PLCH2: variants seen among roughly 807,000 people sequenced by gnomAD.
PLCH2 encodes 1-phosphatidylinositol 4,5-bisphosphate phosphodiesterase eta-2.
In PLCH2, 98 loss-of-function variants were observed where a neutral mutation model predicts 134.7. The observed-to-expected ratio is 0.73, with a 90% confidence interval of 0.62 to 0.86. PLCH2 has a LOEUF of 0.86. Among genes scored for constraint, PLCH2 ranks in the 40% least tolerant of loss-of-function variants. PLCH2 has a pLI of 0.00. For synonymous variants in PLCH2, 974 were observed against 827.5 expected (o/e 1.18, Z -3.04); for missense variants, 1,994 against 1,986.6 (o/e 1.00, Z -0.07).
chr1:2,491,383 CAGCCAGCCTGTG>C (rs775374157), intron 11 of PLCH2, 48 bp downstream of exon 11: 1 of 1,589,092 alleles, frequency 6.3e-7, no homozygotes, highest in South Asian at 1.1e-5. Context: ...GCCCCCCCGA[CAGCCAGCCTGTG>C]GGCCAGCCAG....
intron 2 of PLCH2, among the ~76,000 whole-genome samples, chr1:2,441,905 C>T (rs912536459): frequency 1.3e-5 from 2 of 152,264 alleles, no homozygotes; most frequent in African/African-American, 4.8e-5. Context: ...ATGACAGAGG[C>T]TTCACTGCAG....
chr1:2,505,030 C>T lies in PLCH2; in HGVS notation c.4068C>T (p.Ala1356=). Reference sequence around the variant, plus strand: ...CCATTGCCAGCCGGGCCCGCCAGGCCCAGGAGCGGCAGCAGAGACTGCAGG... The same window carrying T: ...CCATTGCCAGCCGGGCCCGCCAGGCTCAGGAGCGGCAGCAGAGACTGCAGG... ...VRAIASRARQ[A]QERQQRLQGL... is the part of the protein sequence containing the mutation. Residue 1356 remains alanine, a synonymous_variant, in exon 22 of 22, where the codon GCC becomes GCT. Transcript: ENST00000378486. 1.3e-6 allele frequency: 2 copies of T among 1,544,102 alleles called. No homozygotes were observed. Among genetic ancestry groups the T allele is most frequent in the South Asian group, 2.4e-5 (2 of 84,672 alleles).
upstream of PLCH2, among the ~76,000 whole-genome samples, chr1:2,421,147 G>T (rs930099387): frequency 1.3e-5 from 2 of 152,102 alleles, no homozygotes; most frequent in Non-Finnish European, 2.9e-5. Context: ...ATTTCACCAC[G>T]TTGGCCAGGC....
chr1:2,461,226 AG>A (rs1640787560), intron 2 of PLCH2, among the ~76,000 whole-genome samples: 3 of 152,258 alleles, frequency 2.0e-5, no homozygotes, highest in South Asian at 2.1e-4. Flanking sequence ...AGGCTGTTGC[AG>A]GGGGGTAGGG....
intron 2 of PLCH2, among the ~76,000 whole-genome samples, chr1:2,441,563 A>T (rs1381608574): frequency 6.6e-6 from 1 of 152,146 alleles, no homozygotes; most frequent in East Asian, 1.9e-4. Context: ...ATCCCAGACC[A>T]GCTGATGCTG....
intron 2 of PLCH2, 28 bp from the exon 3 acceptor site, chr1:2,479,701 GGACCT>G: frequency 6.6e-7 from 1 of 1,516,198 alleles, no homozygotes; most frequent in Non-Finnish European, 8.9e-7. Context: ...GGGCCCCCGG[GGACCT>G]GACCCGTGCT....
rs1642993835 is a variant in PLCH2 at position 2,498,053 on chromosome 1, GC to G, written c.2224+447del. ...TGACTTCCAGCTTGGTCCCCCTGTG[GC>G]CCTGGCAGGAGTATCACCATGGGAG... On this transcript the variant is annotated intron_variant, in intron 16 of 21. Transcript: ENST00000378486. This position sits in a 1 kb window ranked among gnomAD's most constrained non-coding sequence, Gnocchi z 5.4. The G allele has an allele frequency of 4.4e-6, 1 of 227,830 alleles. No homozygotes were observed. The highest frequency in any genetic ancestry group is 5.1e-5 in the Admixed American group (1 of 19,576). The allele number at this position is 227,830 out of a possible 1,614,324, so 14.1% of individuals were successfully genotyped here.
Position 2,504,351 on chromosome 1 carries a change from T to C in PLCH2, c.3389T>C (p.Leu1130Pro), listed in dbSNP as rs754648943. 43 of 1,611,078 alleles carry C rather than the reference T, an allele frequency of 2.7e-5. No homozygotes were observed. The highest frequency in any genetic ancestry group is 1.4e-4 in the South Asian group (13 of 91,082). Residue 1130 changes from leucine (L) to proline (P), a missense_variant, in exon 22 of 22, where the codon CTG becomes CCG. Around this residue, in one of 2 missense-constraint regions of PLCH2, gnomAD observed 900 missense variants for 752.3 expected, o/e 1.20. Transcript: ENST00000378486. ...TCCGATGCCACGGGCAGTGACCCGC[T>C]GTGGCAGCGGCTGGAGCCATGTGGC... ...VYSDATGSDP[L>P]WQRLEPCGHR...
rs1037602945 is a variant in PLCH2 at position 2,502,388 on chromosome 1, C to A, written c.2938C>A (p.Pro980Thr). The change falls in exon 21 of 22, where the codon CCC (proline) becomes ACC (threonine). Residue 980 changes from proline (P) to threonine (T), a missense_variant. Transcript: ENST00000378486. ...TCCGGAAGCCCCAGCCCAGGAGGGGCCCGGCAGCGGCAGCCCCCGAGGTAA... is the reference window on the plus strand; with the variant it reads ...TCCGGAAGCCCCAGCCCAGGAGGGGACCGGCAGCGGCAGCCCCCGAGGTAA... ...PAPEAPAQEGPGSGSPRDTRP... is the reference protein window; with the variant it reads ...PAPEAPAQEGTGSGSPRDTRP... The A allele has an allele frequency of 3.9e-6, 6 of 1,543,258 alleles. No homozygotes were observed. Among genetic ancestry groups the A allele is most frequent in the Admixed American group, 2.0e-5 (1 of 50,798 alleles).
upstream of PLCH2, among the ~76,000 whole-genome samples, chr1:2,474,252 C>G (rs565745515): frequency 3.9e-5 from 6 of 152,304 alleles, 1 homozygote; most frequent in South Asian, 8.3e-4. Flanking sequence ...GCCTGGGCCC[C>G]TGCCACGTCT....
chr1:2,453,605 C>A (rs368903298), intron 2 of PLCH2, among the ~76,000 whole-genome samples: 1 of 152,196 alleles, frequency 6.6e-6, no homozygotes, highest in African/African-American at 2.4e-5. Flanking sequence ...AGGGCCACCC[C>A]CCTCTGGCAG....
chr1:2,478,101 G>C (rs541230171), intron 1 of PLCH2, among the ~76,000 whole-genome samples: 3 of 152,234 alleles, frequency 2.0e-5, no homozygotes, highest in Non-Finnish European at 4.4e-5. Context: ...GTAGCTCTCG[G>C]GGCCCCAGGC....
chr1:2,477,548 G>T (rs367959279), intron 1 of PLCH2, among the ~76,000 whole-genome samples: 7 of 152,306 alleles, frequency 4.6e-5, no homozygotes, highest in African/African-American at 1.7e-4. Flanking sequence ...CGGGCTTTCT[G>T]TGAGCAGGTG....
At chr1:2,476,137 T>A (rs1224984305), upstream of PLCH2, among the ~76,000 whole-genome samples, 2 of 152,210 alleles carry the variant, frequency 1.3e-5, no homozygotes, top group Non-Finnish European at 2.9e-5. Context: ...AGCCCTGACC[T>A]GGGTCTGGTG....
rs532478379 is a variant in PLCH2 at position 2,428,263 on chromosome 1, C to A, written c.-177-2075C>A. Among the ~76,000 whole-genome samples, 3 of 152,198 alleles carry A rather than the reference C, an allele frequency of 2.0e-5. No homozygotes were observed. In the South Asian group the frequency reaches 6.2e-4, roughly 31 times the overall value. On this transcript the variant is annotated intron_variant, in intron 1 of 3. Transcript: ENST00000609981. The stretch of plus-strand genomic sequence containing the variant: ...GGCCAGGGTCTGGGCTCCTGGGGAT[C>A]GGCCAGCACTCCATGGCCAGGGCGG...
At position 2,479,914 on chromosome 1, in the gene PLCH2, G is replaced by T. The variant is rs369208976; in HGVS notation, c.452G>T (p.Arg151Leu). 1.6e-5 allele frequency: 25 copies of T among 1,610,956 alleles called. No individual in the cohort carries two copies. The East Asian group carries it at 5.1e-4, about 33-fold the overall frequency. ...EVARTWVTGL[R>L]YLMAGISDED... Reference sequence around the variant, plus strand: ...GCGCGCACCTGGGTCACTGGCCTGCGCTACCTCATGGCCGGCATCAGCGAC... The same window carrying T: ...GCGCGCACCTGGGTCACTGGCCTGCTCTACCTCATGGCCGGCATCAGCGAC... Residue 151 changes from arginine (R) to leucine (L), a missense_variant, in exon 3 of 22, where the codon CGC becomes CTC. Arg to Leu is a moderately radical substitution (Grantham distance 102). Around this residue, in one of 2 missense-constraint regions of PLCH2, gnomAD observed 1,094 missense variants for 1,234.3 expected, o/e 0.89. Coordinates refer to ENST00000378486, the MANE Select transcript of PLCH2 (RefSeq NM_014638.4).
chr1:2,467,201 G>T (rs1056989183), upstream of PLCH2, among the ~76,000 whole-genome samples: 1 of 152,098 alleles, frequency 6.6e-6, no homozygotes. Context: ...GAGGGAGGGA[G>T]GACAGGATGA....
At position 2,502,187 on chromosome 1, in the gene PLCH2, G is replaced by T. The variant is rs1331407164; in HGVS notation, c.2737G>T (p.Gly913Trp). 2.6e-6 allele frequency: 4 copies of T among 1,533,040 alleles called. No homozygotes were observed. In the Middle Eastern group the frequency reaches 6.8e-4, roughly 262 times the overall value. 95.0% of individuals were successfully genotyped at this position (1,533,040 alleles called of 1,614,324 possible). A position where few individuals can be genotyped will look rare whatever the true frequency, so the allele number is the denominator to read the frequency against. ...CGGCTCGCTGGACAGTCATGCTGCT[G>T]GGCGGCCCCCGGCCCGGCCCTCCGT... ...KPGSLDSHAA[G>W]RPPARPSVSQ... Residue 913 changes from glycine to tryptophan, a missense_variant, in exon 21 of 22, where the codon GGG (glycine) becomes TGG (tryptophan). Coordinates refer to ENST00000378486, the MANE Select transcript of PLCH2 (RefSeq NM_014638.4).
chr1:2,426,559 G>A (rs867595258), intron 1 of PLCH2, among the ~76,000 whole-genome samples: 5 of 152,224 alleles, frequency 3.3e-5, no homozygotes, highest in Non-Finnish European at 5.9e-5. Flanking sequence ...GTGCTCCCAC[G>A]CTGACCTAGG....
Sources: allele counts gnomAD v4.1 joint callset (sites outside exome capture counted in the v4.1 genomes callset), GRCh38; gene constraint gnomAD v4.1.1; regional missense constraint gnomAD v4.1.1; non-coding constraint Gnocchi (gnomAD v3.1); transcripts MANE v1.5; gene names NCBI Gene and HGNC (gene_info 2026-07-23, HGNC 2026-07-21).